GAS2: variants seen among roughly 807,000 people sequenced by gnomAD.
GAS2 encodes growth arrest specific 2, also known as growth arrest-specific protein 2.
A neutral mutation model predicts 37.5 loss-of-function variants in GAS2; 20 were observed. That is an observed-to-expected ratio of 0.53 (90% CI 0.37 to 0.77). The LOEUF is 0.77. Ranked by LOEUF, GAS2 falls within the 30% of genes least tolerant of loss-of-function variation. The probability of loss-of-function intolerance (pLI) is 0.00; values close to 1 mark genes in which losing one functional copy is unlikely to be tolerated. For synonymous variants in GAS2, 144 were observed against 132.2 expected, an observed-to-expected ratio of 1.09 and a Z score of -0.61; for missense variants, 336 against 373.4, an observed-to-expected ratio of 0.90 and a Z score of 0.82.
chr11:22,784,018 C>G (rs1306499715), intron 7 of GAS2, among the ~76,000 whole-genome samples: 2 of 152,124 alleles, frequency 1.3e-5, no homozygotes, highest in African/African-American at 4.8e-5. Context: ...TGTTTCTGTA[C>G]CAGGACCATG....
intron 5 of GAS2, among the ~76,000 whole-genome samples, chr11:22,742,107 C>T (rs1344776283): frequency 6.6e-6 from 1 of 152,010 alleles, no homozygotes; most frequent in East Asian, 1.9e-4. Flanking sequence ...AAGACCTGTT[C>T]CCTATCACTT....
intron 7 of GAS2, among the ~76,000 whole-genome samples, chr11:22,791,837 TA>T (rs1234202052): frequency 6.6e-6 from 1 of 152,222 alleles, no homozygotes; most frequent in Non-Finnish European, 1.5e-5. Context: ...GAGGCCCTTC[TA>T]CAAACAAGCA....
intron 3 of GAS2, chr11:22,702,180 A>G (rs1850876210): frequency 6.6e-6 from 1 of 152,034 alleles, no homozygotes; most frequent in Non-Finnish European, 1.5e-5. Flanking sequence ...ATACATTATC[A>G]TTTTCTTTGC....
At chr11:22,646,865 C>A (rs1360855366) in intron 1 of GAS2, among the ~76,000 whole-genome samples, 1 of 151,492 alleles carries the variant, frequency 6.6e-6, no homozygotes. Context: ...CTCATTTGTG[C>A]TTGCTTGCTT....
chr11:22,779,347 A>G (rs954277401), intron 7 of GAS2, among the ~76,000 whole-genome samples: 12 of 152,162 alleles, frequency 7.9e-5, no homozygotes, highest in African/African-American at 2.9e-4. Context: ...CTGTAGCCAT[A>G]TTGGTCTTCC....
chr11:22,681,548 A>AT (rs1333605929), intron 2 of GAS2, among the ~76,000 whole-genome samples: 4 of 152,136 alleles, frequency 2.6e-5, no homozygotes, highest in African/African-American at 9.7e-5. Flanking sequence ...CTTTAACATG[A>AT]TTTAATTGTA....
At chr11:22,749,536 G>A (rs952335171) in intron 6 of GAS2, among the ~76,000 whole-genome samples, 2 of 151,982 alleles carry the variant, frequency 1.3e-5, no homozygotes, top group Non-Finnish European at 2.9e-5. Flanking sequence ...TTGAAAACAT[G>A]AAAGTCTCTT....
At chr11:22,707,215 A>G (rs1054345879) in intron 3 of GAS2, among the ~76,000 whole-genome samples, 1 of 152,232 alleles carries the variant, frequency 6.6e-6, no homozygotes, top group African/African-American at 2.4e-5. Context: ...TTGCAAGTGG[A>G]AAGGCCACGG....
At chr11:22,652,993 G>GTCTGTCTTTCTT (rs1554965874) in intron 1 of GAS2, among the ~76,000 whole-genome samples, 45 of 97,116 alleles carry the variant, frequency 4.6e-4, no homozygotes, top group Admixed American at 1.5e-3. Flanking sequence ...TTCTTTCTTT[G>GTCTGTCTTTCTT]TCTTTCTTTC....
At chr11:22,746,183 AAAAC>A (rs549824711) in intron 5 of GAS2, among the ~76,000 whole-genome samples, 46 of 152,218 alleles carry the variant, frequency 3.0e-4, no homozygotes, top group Middle Eastern at 3.4e-3. Flanking sequence ...TCATGTCTCA[AAAAC>A]AAACAAACAA....
chr11:22,679,377 G>A (rs929129867), intron 2 of GAS2, among the ~76,000 whole-genome samples: 4 of 151,912 alleles, frequency 2.6e-5, no homozygotes, highest in African/African-American at 9.7e-5. Flanking sequence ...TTGCCAATTT[G>A]TTATTTAACT....
chr11:22,786,491 T>G (rs1299331228), intron 7 of GAS2, among the ~76,000 whole-genome samples: 1 of 152,176 alleles, frequency 6.6e-6, no homozygotes, highest in East Asian at 1.9e-4. Flanking sequence ...CTGTCCACTA[T>G]GCAAGGACTG....
chr11:22,787,692 C>A (rs1376702635), intron 7 of GAS2, among the ~76,000 whole-genome samples: 1 of 152,106 alleles, frequency 6.6e-6, no homozygotes, highest in Non-Finnish European at 1.5e-5. Flanking sequence ...TTCTTTAGTT[C>A]TGATAGAATT....
intron 6 of GAS2, 90 bp from the exon 7 acceptor site, chr11:22,755,756 A>T: frequency 1.3e-6 from 1 of 791,494 alleles, no homozygotes; most frequent in Non-Finnish European, 2.1e-6. Flanking sequence ...TAAAGTCATT[A>T]AGGGTTCAGG....
intron 3 of GAS2, among the ~76,000 whole-genome samples, chr11:22,725,455 A>G (rs911842308): frequency 6.6e-6 from 1 of 152,114 alleles, no homozygotes; most frequent in African/African-American, 2.4e-5. Context: ...TTGATAGAAT[A>G]TCTCACTCTG....
chr11:22,699,014 C>T (rs777931708), intron 3 of GAS2, among the ~76,000 whole-genome samples: 2 of 152,002 alleles, frequency 1.3e-5, no homozygotes, highest in African/African-American at 2.4e-5. Flanking sequence ...AAGGAAAGCA[C>T]CCAAATAAAA....
intron 4 of GAS2, among the ~76,000 whole-genome samples, chr11:22,732,803 CATCAT>C (rs1852547120): frequency 2.0e-5 from 3 of 151,360 alleles, no homozygotes; most frequent in African/African-American, 4.8e-5. Context: ...TCATCATCAT[CATCAT>C]CATCACCACC....
intron 6 of GAS2, among the ~76,000 whole-genome samples, chr11:22,751,405 T>C (rs1048837258): frequency 2.0e-5 from 3 of 152,058 alleles, no homozygotes; most frequent in Admixed American, 2.0e-4. Context: ...TTTGTATCTA[T>C]TTAATGAAGC....
At chr11:22,657,749 A>T (rs1848872313) in intron 1 of GAS2, among the ~76,000 whole-genome samples, 1 of 152,216 alleles carries the variant, frequency 6.6e-6, no homozygotes. Flanking sequence ...ACTCCTCTCC[A>T]GGTCTTTTGT....
Sources: gnomAD v4.1 joint callset for allele counts (sites outside exome capture counted in the v4.1 genomes callset) on GRCh38, gnomAD v4.1.1 for gene constraint, MANE v1.5 for transcripts, NCBI Gene and HGNC (gene_info 2026-07-23, HGNC 2026-07-21) for gene names.